ZPBP: variants seen among roughly 807,000 people sequenced by gnomAD.
The protein encoded by ZPBP is zona pellucida-binding protein 1.
Under a neutral mutation model 44.8 loss-of-function variants are expected in ZPBP, and 26 were observed. The observed-to-expected ratio is 0.58, with a 90% CI of 0.43 to 0.81. The LOEUF is 0.81. Among genes scored for constraint, ZPBP ranks in the 30% least tolerant of loss-of-function variants. The pLI, the probability that ZPBP is intolerant of heterozygous loss-of-function variation, is 0.00. For missense variants in ZPBP, 409 were observed against 434.0 expected (o/e 0.94, Z 0.51); for synonymous variants, 174 against 153.2 (o/e 1.14, Z -1.00).
intron 7 of ZPBP, chr7:49,943,007 T>G: frequency 3.8e-6 from 1 of 266,446 alleles, no homozygotes; most frequent in South Asian, 4.6e-5. Context: ...TTCCACGGAT[T>G]AGGAGGGTGA....
intron 7 of ZPBP, among the ~76,000 whole-genome samples, chr7:49,977,132 A>AATAAATAAATAG (rs1796564570): frequency 6.6e-6 from 1 of 151,474 alleles, no homozygotes; most frequent in Non-Finnish European, 1.5e-5. Flanking sequence ...TAAATAAATA[A>AATAAATAAATAG]ATAGAAATGT....
At chr7:49,920,638 T>A (rs1364263958) in intron 1 of ZPBP, 1 of 152,204 alleles carries the variant, frequency 6.6e-6, no homozygotes. Flanking sequence ...TACGGCTACA[T>A]AAAGTTCACA....
intron 1 of ZPBP, among the ~76,000 whole-genome samples, chr7:49,904,594 A>G (rs1792977419): frequency 6.6e-6 from 1 of 152,156 alleles, no homozygotes; most frequent in East Asian, 1.9e-4. Context: ...AAAAATCCAA[A>G]TTTACATTTT....
At chr7:50,052,542 C>T (rs1056502533) in intron 4 of ZPBP, among the ~76,000 whole-genome samples, 2 of 152,086 alleles carry the variant, frequency 1.3e-5, no homozygotes, top group South Asian at 2.1e-4. Flanking sequence ...AACAGTTTGG[C>T]AGTTTTTTAT....
At chr7:50,049,264 CACAA>C (rs1266153991) in intron 4 of ZPBP, among the ~76,000 whole-genome samples, 2 of 151,882 alleles carry the variant, frequency 1.3e-5, no homozygotes, top group Admixed American at 1.3e-4. Context: ...AACAATTCTT[CACAA>C]ACACTTTCAA....
At chr7:50,052,455 T>C (rs1800741706) in intron 4 of ZPBP, among the ~76,000 whole-genome samples, 1 of 152,148 alleles carries the variant, frequency 6.6e-6, no homozygotes, top group Non-Finnish European at 1.5e-5. Context: ...TAACACCAAT[T>C]GCTGGTGGAG....
At chr7:49,909,426 G>A (rs1384393095) in intron 1 of ZPBP, among the ~76,000 whole-genome samples, 1 of 152,218 alleles carries the variant, frequency 6.6e-6, no homozygotes, top group Non-Finnish European at 1.5e-5. Flanking sequence ...GGCACTGTTG[G>A]CCTTATGGAC....
chr7:49,903,152 G>A (rs561061036), intron 1 of ZPBP, among the ~76,000 whole-genome samples: 1 of 152,210 alleles, frequency 6.6e-6, no homozygotes, highest in East Asian at 1.9e-4. Context: ...TTCGTGGTTG[G>A]ACTGTAAATT....
chr7:49,956,642 TA>T (rs936790941), intron 7 of ZPBP, among the ~76,000 whole-genome samples: 6 of 150,446 alleles, frequency 4.0e-5, no homozygotes, highest in South Asian at 2.1e-4. Flanking sequence ...ATAAAAGACC[TA>T]AAAAAAAATA....
intron 2 of ZPBP, among the ~76,000 whole-genome samples, chr7:50,085,093 G>C (rs1035223561): frequency 1.3e-5 from 2 of 152,038 alleles, no homozygotes; most frequent in Non-Finnish European, 2.9e-5. Flanking sequence ...TTAAAATGAA[G>C]TCATCAGGCT....
chr7:50,065,726 A>G (rs1801471315), intron 3 of ZPBP, among the ~76,000 whole-genome samples: 1 of 150,904 alleles, frequency 6.6e-6, no homozygotes, highest in South Asian at 2.1e-4. Flanking sequence ...TTGAGCAAAT[A>G]TCGTTTTGGT....
At chr7:50,029,613 C>T (rs1254133414) in intron 5 of ZPBP, among the ~76,000 whole-genome samples, 4 of 152,152 alleles carry the variant, frequency 2.6e-5, no homozygotes, top group African/African-American at 9.7e-5. Context: ...AGAACTCTTA[C>T]AACAACACCA....
intron 2 of ZPBP, among the ~76,000 whole-genome samples, chr7:49,872,462 C>CT (rs1791197587): frequency 6.6e-6 from 1 of 151,772 alleles, no homozygotes; most frequent in Non-Finnish European, 1.5e-5. Context: ...GTTTAAAACT[C>CT]TAAGTGTAGG....
At chr7:49,844,754 ACG>A in the ZPBP span, among the ~76,000 whole-genome samples, 1 of 152,044 alleles carries the variant, frequency 6.6e-6, no homozygotes, top group Non-Finnish European at 1.5e-5. Context: ...GTGCAATGGC[ACG>A]ATCTCAGTTC....
chr7:49,989,207 G>A (rs1222793999), intron 6 of ZPBP, among the ~76,000 whole-genome samples: 1 of 152,190 alleles, frequency 6.6e-6, no homozygotes, highest in Non-Finnish European at 1.5e-5. Context: ...TCGACTTGCA[G>A]ATAAAGGTCC....
chr7:50,066,123 T>C (rs1801489161), intron 3 of ZPBP, among the ~76,000 whole-genome samples: 1 of 151,034 alleles, frequency 6.6e-6, no homozygotes, highest in Admixed American at 6.6e-5. Context: ...TAAGCCTCTC[T>C]TGTGTTAAAC....
At chr7:49,861,989 G>A (rs1410628688) in intron 2 of ZPBP, among the ~76,000 whole-genome samples, 1 of 152,116 alleles carries the variant, frequency 6.6e-6, no homozygotes, top group East Asian at 1.9e-4. Context: ...TGAATTTTAG[G>A]ATAGGCTTTT....
At chr7:49,866,269 C>A (rs1790887284) in intron 2 of ZPBP, among the ~76,000 whole-genome samples, 1 of 152,228 alleles carries the variant, frequency 6.6e-6, no homozygotes. Flanking sequence ...GATCCTCTAG[C>A]TGTCAGCTGT....
intron 2 of ZPBP, among the ~76,000 whole-genome samples, chr7:49,888,293 C>G (rs540148960): frequency 5.9e-5 from 9 of 152,290 alleles, no homozygotes; most frequent in African/African-American, 1.9e-4. Context: ...TATTTGTTCA[C>G]AGTAACTTGG....
Sources: allele counts gnomAD v4.1 joint callset (sites outside exome capture counted in the v4.1 genomes callset), GRCh38; gene constraint gnomAD v4.1.1; transcripts MANE v1.5; gene names NCBI Gene and HGNC (gene_info 2026-07-23, HGNC 2026-07-21).